Variants in HOATZ observed in about 807,000 individuals in gnomAD.
The protein encoded by HOATZ is cilia- and flagella-associated protein HOATZ.
HOATZ carries 26 observed loss-of-function variants against 24.9 expected under a neutral mutation model. That is an observed-to-expected ratio of 1.04 (90% CI 0.76 to 1.45). The LOEUF is 1.45. Among genes scored for constraint, HOATZ ranks in the 40% most tolerant of loss-of-function variants. HOATZ has a pLI of 0.00. For synonymous variants in HOATZ, 83 were observed against 76.6 expected (o/e 1.08, Z -0.43); for missense variants, 226 against 201.5 (o/e 1.12, Z -0.74).
Position 111,514,859 on chromosome 11 carries a change from A to C in HOATZ, c.75A>C (p.Val25=). The change falls in exon 1 of 6, where the codon GTA becomes GTC. Residue 25 remains valine (V), a synonymous_variant. Coordinates refer to ENST00000375618, the MANE Select transcript of HOATZ (RefSeq NM_001100388.2). The part of the protein sequence containing the change: ...SQEMCPPGLL[V]FAGSSEQDAN... The stretch of plus-strand genomic sequence containing the variant: ...AAATGTGCCCCCCGGGATTACTGGT[A>C]TTTGCTGGCTCCTCGGAACAAGATG... 6.2e-7 allele frequency: 1 copy of C among 1,614,042 alleles called. No individual in the cohort carries two copies. Among genetic ancestry groups the C allele is most frequent in the Non-Finnish European group, 8.5e-7 (1 of 1,179,988 alleles).
At chr11:111,531,810 C>G (rs1400373343) in intron 3 of HOATZ, among the ~76,000 whole-genome samples, 1 of 152,178 alleles carries the variant, frequency 6.6e-6, no homozygotes, top group Non-Finnish European at 1.5e-5. Flanking sequence ...AGTTCACCAG[C>G]CAAGACACTG....
At chr11:111,532,686 C>T (rs745510237) in intron 3 of HOATZ, among the ~76,000 whole-genome samples, 3 of 152,156 alleles carry the variant, frequency 2.0e-5, no homozygotes, top group Non-Finnish European at 4.4e-5. Flanking sequence ...TTTTAAGCCA[C>T]GCAGTGTGTG....
intron 1 of HOATZ, 181 bp downstream of exon 1, chr11:111,515,191 TG>T: frequency 1.6e-6 from 1 of 609,342 alleles, no homozygotes; most frequent in East Asian, 2.7e-5. Flanking sequence ...AAAGGATCAG[TG>T]GTATATATGT....
At chr11:111,532,442 T>A (rs1054314625) in intron 3 of HOATZ, among the ~76,000 whole-genome samples, 1 of 152,188 alleles carries the variant, frequency 6.6e-6, no homozygotes, top group Non-Finnish European at 1.5e-5. Flanking sequence ...TCCAGTCTGA[T>A]TGGAGTCCTC....
intron 3 of HOATZ, 109 bp from the exon 4 acceptor site, chr11:111,533,637 T>C: frequency 2.8e-6 from 2 of 715,740 alleles, no homozygotes; most frequent in Non-Finnish European, 4.5e-6. Context: ...TAGGAAAAAA[T>C]ATTTTAAAAT....
Position 111,536,785 on chromosome 11 carries a change from G to A in HOATZ, c.468G>A (p.Glu156=). ...KEHKAKKVVS[E]SDKEDQEEVK... ...CTACCAACAGGAAAGTGGTATCAGA[G>A]TCAGATAAAGAGGACCAAGAAGAAG... The change falls in exon 6 of 6, where the codon GAG becomes GAA. Residue 156 remains glutamate (E), a synonymous_variant. Transcript: ENST00000375618. 6.2e-7 allele frequency: 1 copy of A among 1,613,580 alleles called. No homozygotes were observed. The highest frequency in any genetic ancestry group is 8.5e-7 in the Non-Finnish European group (1 of 1,179,600).
chr11:111,534,506 T>G, intron 5 of HOATZ, 42 bp downstream of exon 5: 1 of 1,449,190 alleles, frequency 6.9e-7, no homozygotes, highest in Non-Finnish European at 9.7e-7. Context: ...ACCTTTCAAC[T>G]TACTGTGTAG....
intron 3 of HOATZ, chr11:111,524,785 C>A: frequency 2.6e-6 from 1 of 382,316 alleles, no homozygotes; most frequent in South Asian, 2.0e-5. Flanking sequence ...ATTCAAAAAT[C>A]AATTTACAAA....
chr11:111,523,205 C>CTTTTTTTTT (rs747393521), intron 3 of HOATZ, among the ~76,000 whole-genome samples: 4 of 94,258 alleles, frequency 4.2e-5, no homozygotes, highest in Admixed American at 1.1e-4. Context: ...TAAGTGTTCA[C>CTTTTTTTTT]TTTTTTTTTT....
Position 111,514,955 on chromosome 11 carries a change from CAG to C in HOATZ, c.175_176del (p.Asp59GlnfsTer17), listed in dbSNP as rs771323867. The C allele has an allele frequency of 1.2e-6, 2 of 1,613,764 alleles. No individual in the cohort carries two copies. Among genetic ancestry groups the C allele is most frequent in the African/African-American group, 1.3e-5 (1 of 74,896 alleles). ...PPSESQLVLR[R>X]DSSQRLPVAR... ...CTAGCGAATCTCAGCTGGTGCTGCG[CAG>C]AGACAGCAGTCAGCGTCTGCCGGTG... On this transcript the variant is annotated frameshift_variant, in exon 1 of 6. Coordinates refer to ENST00000375618, the MANE Select transcript of HOATZ (RefSeq NM_001100388.2). LOFTEE classifies it high-confidence loss of function.
chr11:111,519,963 C>T (rs1217628625), intron 3 of HOATZ, among the ~76,000 whole-genome samples: 1 of 152,012 alleles, frequency 6.6e-6, no homozygotes, highest in Non-Finnish European at 1.5e-5. Flanking sequence ...GAATATTTTC[C>T]AGGTATACAT....
intron 3 of HOATZ, among the ~76,000 whole-genome samples, chr11:111,523,014 G>A (rs1292230344): frequency 6.6e-6 from 1 of 152,176 alleles, no homozygotes; most frequent in Non-Finnish European, 1.5e-5. Context: ...GAGCCTGGGA[G>A]GCGGAGGTTG....
At chr11:111,524,353 G>A (rs1029421331) in intron 3 of HOATZ, among the ~76,000 whole-genome samples, 1 of 152,174 alleles carries the variant, frequency 6.6e-6, no homozygotes, top group Non-Finnish European at 1.5e-5. Flanking sequence ...CAAAGGAAGT[G>A]ATTCCAGAAA....
At chr11:111,518,004 A>G (rs1442414051) in intron 3 of HOATZ, among the ~76,000 whole-genome samples, 1 of 152,088 alleles carries the variant, frequency 6.6e-6, no homozygotes, top group East Asian at 1.9e-4. Flanking sequence ...GCTTTCTCCT[A>G]TGCTCTCTCC....
intron 2 of HOATZ, 38 bp from the exon 3 acceptor site, chr11:111,516,002 A>C (rs1446687000): frequency 7.6e-7 from 1 of 1,315,158 alleles, no homozygotes; most frequent in Admixed American, 2.0e-5. Flanking sequence ...AATCATAATA[A>C]AATTATTTCA....
intron 3 of HOATZ, among the ~76,000 whole-genome samples, chr11:111,529,274 G>C (rs754346549): frequency 1.3e-5 from 2 of 152,096 alleles, no homozygotes; most frequent in African/African-American, 4.8e-5. Flanking sequence ...ATTACTAAAG[G>C]CATGATCACT....
intron 3 of HOATZ, among the ~76,000 whole-genome samples, chr11:111,520,423 AAAAT>A (rs2135774799): frequency 6.6e-6 from 1 of 152,324 alleles, no homozygotes; most frequent in African/African-American, 2.4e-5. Context: ...TTTTACAGGG[AAAAT>A]ATGCAATCTG....
chr11:111,517,962 G>T (rs1867224906), intron 3 of HOATZ, among the ~76,000 whole-genome samples: 1 of 151,834 alleles, frequency 6.6e-6, no homozygotes, highest in African/African-American at 2.4e-5. Flanking sequence ...TTCCAATCCA[G>T]TCCTAACCTG....
At chr11:111,516,214 C>A in intron 3 of HOATZ, 104 bp downstream of exon 3, 1 of 628,834 alleles carries the variant, frequency 1.6e-6, no homozygotes, top group South Asian at 2.7e-5. Context: ...TCTAGTGCAT[C>A]AGCTTGAGCA....
Sources: allele counts gnomAD v4.1 joint callset (sites outside exome capture counted in the v4.1 genomes callset), GRCh38; gene constraint gnomAD v4.1.1; transcripts MANE v1.5; gene names NCBI Gene and HGNC (gene_info 2026-07-23, HGNC 2026-07-21).